The following HSH2D variants were observed in gnomAD, a reference collection of about 807,000 sequenced individuals.
The protein encoded by HSH2D is hematopoietic SH2 domain-containing protein.
A neutral mutation model predicts 21.5 loss-of-function variants in HSH2D; 16 were observed. That is an observed-to-expected ratio of 0.74 (90% confidence interval 0.50 to 1.13). The LOEUF is 1.13. HSH2D is among the 50% of genes most tolerant of loss of function. The probability of loss-of-function intolerance (pLI) is 0.00; values close to 1 mark genes in which losing one functional copy is unlikely to be tolerated. For synonymous variants in HSH2D, 172 were observed against 184.7 expected, an observed-to-expected ratio of 0.93 and a Z score of 0.56; for missense variants, 418 against 441.4, an observed-to-expected ratio of 0.95 and a Z score of 0.47.
chr19:16,141,839 ACTTGAACCAAGGTGGGCGGATCG>A (rs893352495), upstream of HSH2D: 2 of 152,134 alleles, frequency 1.3e-5, no homozygotes, highest in Admixed American at 1.3e-4. Context: ...CAGGAGAGTC[ACTTGAACCAAGGTGGGCGGATCG>A]CTTGAGCCCC....
intron 5 of HSH2D, among the ~76,000 whole-genome samples, chr19:16,156,775 GT>G (rs1395006767): frequency 1.1e-4 from 16 of 152,124 alleles, no homozygotes; most frequent in African/African-American, 3.4e-4. Flanking sequence ...ATCACCTGAG[GT>G]AAGGAGTTCA....
intron 1 of HSH2D, among the ~76,000 whole-genome samples, chr19:16,145,042 T>G (rs974973351): frequency 9.0e-5 from 13 of 144,988 alleles, no homozygotes; most frequent in Non-Finnish European, 1.8e-4. Context: ...TTGGGGTTTT[T>G]TTTTTTTTTT....
chr19:16,153,760 G>C (rs113623109), intron 4 of HSH2D, among the ~76,000 whole-genome samples: 51 of 143,300 alleles, frequency 3.6e-4, no homozygotes, highest in African/African-American at 1.2e-3. Flanking sequence ...GGCAGGGCAT[G>C]TTTCCTTAGA....
At chr19:16,134,722 C>A (rs10409473) in intron 1 of HSH2D, among the ~76,000 whole-genome samples, 1 of 152,150 alleles carries the variant, frequency 6.6e-6, no homozygotes, top group Non-Finnish European at 1.5e-5. Flanking sequence ...ACCACCTGGA[C>A]CTCTGTGACC....
At chr19:16,145,902 C>T (rs2091061634) in intron 1 of HSH2D, among the ~76,000 whole-genome samples, 5 of 151,902 alleles carry the variant, frequency 3.3e-5, no homozygotes, top group South Asian at 4.2e-4. Flanking sequence ...ATGGTGAAAC[C>T]CCATCCCTGC....
In HSH2D at chr19:16,137,703, T is replaced by A. The variant is rs372735894; in HGVS notation, c.-324+3468T>A. Among the ~76,000 whole-genome samples, 10 of 152,204 alleles carry A rather than the reference T, an allele frequency of 6.6e-5. No individual in the cohort carries two copies. The East Asian group carries it at 1.7e-3, about 26-fold the overall frequency. ...CTCAAGTGATCCTCCTGCCTTAGCC[T>A]CCCAAGTAGCTGGTACTACAGGTGC... On this transcript the variant is annotated intron_variant, in intron 1 of 7. Transcript: ENST00000616645.
At chr19:16,150,481 G>A (rs903227994) in intron 2 of HSH2D, among the ~76,000 whole-genome samples, 21 of 151,946 alleles carry the variant, frequency 1.4e-4, no homozygotes, top group African/African-American at 4.8e-4. Context: ...GGAGATTGCA[G>A]TGAGCTGAGG....
At chr19:16,135,160 T>G (rs2090953391) in intron 1 of HSH2D, among the ~76,000 whole-genome samples, 1 of 152,038 alleles carries the variant, frequency 6.6e-6, no homozygotes, top group South Asian at 2.1e-4. Context: ...TAGTCCCAAC[T>G]ACTCAGGAGG....
chr19:16,134,989 G>T (rs1429092557), intron 1 of HSH2D, among the ~76,000 whole-genome samples: 1 of 151,242 alleles, frequency 6.6e-6, no homozygotes, highest in African/African-American at 2.4e-5. Flanking sequence ...TACAAAAATT[G>T]GCCGGGTGCA....
chr19:16,144,836 G>A (rs1168615938), intron 1 of HSH2D, among the ~76,000 whole-genome samples: 2 of 150,488 alleles, frequency 1.3e-5, no homozygotes, highest in African/African-American at 4.9e-5. Flanking sequence ...GAGACTACAG[G>A]CGCCCGCCAC....
intron 1 of HSH2D, among the ~76,000 whole-genome samples, chr19:16,145,901 C>T (rs1306917659): frequency 1.3e-5 from 2 of 151,950 alleles, no homozygotes; most frequent in East Asian, 1.9e-4. Context: ...CATGGTGAAA[C>T]CCCATCCCTG....
chr19:16,141,257 C>T (rs930368301), upstream of HSH2D, among the ~76,000 whole-genome samples: 2 of 152,174 alleles, frequency 1.3e-5, no homozygotes, highest in Non-Finnish European at 2.9e-5. Context: ...AGAGGGCAGA[C>T]GAGGTGCTGC....
At chr19:16,152,498 T>C in intron 2 of HSH2D, 54 bp from the exon 3 acceptor site, 4 of 1,129,354 alleles carry the variant, frequency 3.5e-6, no homozygotes, top group Non-Finnish European at 4.9e-6. Flanking sequence ...GGAGTCTAAC[T>C]GGTACGTGGG....
chr19:16,141,483 C>T (rs956902063), upstream of HSH2D, among the ~76,000 whole-genome samples: 3 of 152,254 alleles, frequency 2.0e-5, no homozygotes, highest in Non-Finnish European at 4.4e-5. Context: ...ACAGGGCCTG[C>T]ACCCAGGACC....
chr19:16,152,709 G>T, intron 3 of HSH2D, 68 bp downstream of exon 3: 2 of 1,140,970 alleles, frequency 1.8e-6, no homozygotes, highest in South Asian at 1.3e-5. Flanking sequence ...GGGGGCAAGG[G>T]GTGCTTCATG....
intron 1 of HSH2D, among the ~76,000 whole-genome samples, chr19:16,146,075 C>CAAA (rs796457464): frequency 5.0e-5 from 3 of 59,886 alleles, no homozygotes; most frequent in African/African-American, 1.0e-4. Flanking sequence ...GATTCCATCT[C>CAAA]AAAAAAAAAA....
rs112470152 is a variant in HSH2D, at chr19:16,154,186, G to A, written c.382-213G>A. 7.8e-4 allele frequency among the ~76,000 whole-genome samples: 118 copies of A among 152,172 alleles called. 1 individual carries two copies. Among genetic ancestry groups the A allele is most frequent in the Non-Finnish European group, 2.8e-4 (19 of 67,994 alleles). On this transcript the variant is annotated intron_variant, in intron 4 of 5. Transcript: ENST00000613986. Reference sequence around the variant, plus strand: ...TAGCTCCCAAGAACGTGCTATGGGCGGGGCATCTTTCTTTAGAAGGCTCAG... The same window carrying A: ...TAGCTCCCAAGAACGTGCTATGGGCAGGGCATCTTTCTTTAGAAGGCTCAG...
chr19:16,156,029 G>A (rs2091232238), intron 5 of HSH2D, among the ~76,000 whole-genome samples: 1 of 151,820 alleles, frequency 6.6e-6, no homozygotes, highest in Admixed American at 6.6e-5. Flanking sequence ...AAGGTGGGAG[G>A]GACAAAAATG....
intron 5 of HSH2D, 63 bp downstream of exon 5, chr19:16,154,554 A>G: frequency 1.0e-6 from 1 of 1,001,038 alleles, no homozygotes; most frequent in Non-Finnish European, 1.5e-6. Flanking sequence ...GGAGGTGGTC[A>G]ACAGCTTCCA....
Sources: allele counts gnomAD v4.1 joint callset (sites outside exome capture counted in the v4.1 genomes callset), GRCh38; gene constraint gnomAD v4.1.1; transcripts MANE v1.5; gene names NCBI Gene and HGNC (gene_info 2026-07-23, HGNC 2026-07-21).